Variants in SYT16 observed in about 807,000 individuals in gnomAD.
SYT16 encodes the protein synaptotagmin 16, also known as synaptotagmin-16.
A neutral mutation model predicts 61.4 loss-of-function variants in SYT16; 42 were observed. The ratio of observed to expected loss-of-function variants is 0.68; its 90% CI spans 0.53 to 0.89. The LOEUF (loss-of-function observed/expected upper bound fraction) is 0.89. SYT16 is among the 40% of genes least tolerant of loss of function. SYT16 has a pLI of 0.00. For missense variants in SYT16, 804 were observed against 807.3 expected, an observed-to-expected ratio of 1.00 and a Z score of 0.05; for synonymous variants, 314 against 302.3, an observed-to-expected ratio of 1.04 and a Z score of -0.40.
intron 1 of SYT16, among the ~76,000 whole-genome samples, chr14:61,888,010 T>A (rs2047974153): frequency 1.3e-5 from 2 of 152,208 alleles, no homozygotes; most frequent in Admixed American, 6.5e-5. Flanking sequence ...CTTTTCTCAC[T>A]CAGCTTTATC....
At chr14:61,996,577 T>A (rs770010275) in intron 3 of SYT16, 35 bp downstream of exon 3, 14 of 1,544,002 alleles carry the variant, frequency 9.1e-6, no homozygotes, top group Non-Finnish European at 1.2e-5. Flanking sequence ...TCTGCGTTCC[T>A]CCAAAGAGCA....
rs2057587255 is a variant in SYT16 at position 62,110,395 on chromosome 14, CCATA to C, written c.*9693_*9696del. 1 of 151,964 alleles carries C rather than the reference CCATA, an allele frequency of 6.6e-6. No homozygotes were observed. Among genetic ancestry groups the C allele is most frequent in the African/African-American group, 2.4e-5 (1 of 41,384 alleles). 9.4% of individuals were successfully genotyped at this position (151,964 alleles called of 1,614,324 possible). On this transcript the variant is annotated 3_prime_UTR_variant, in exon 8 of 8. Coordinates refer to ENST00000683842, the MANE Select transcript of SYT16 (RefSeq NM_001367656.1). ...TTTGAGACCCCACTATATAACAGGG[CCATA>C]CATATGACAAGGTGATAGATGGAAA...
intron 1 of SYT16, among the ~76,000 whole-genome samples, chr14:61,918,770 G>C (rs2049217630): frequency 6.6e-6 from 1 of 151,980 alleles, no homozygotes; most frequent in South Asian, 2.1e-4. Context: ...TCTTTTTCTT[G>C]TTTGTGTTCT....
chr14:62,100,914 T>C lies in SYT16; in HGVS notation c.*207T>C. Reference sequence around the variant, plus strand: ...TTAAAAACACACATACACAGTGAAGTGTCCGTATGGAAAATATTATACCAC... The same window carrying C: ...TTAAAAACACACATACACAGTGAAGCGTCCGTATGGAAAATATTATACCAC... On this transcript the variant is annotated 3_prime_UTR_variant, in exon 8 of 8. Transcript: ENST00000683842. 1.8e-6 allele frequency: 1 copy of C among 550,318 alleles called. No homozygotes were observed. Among genetic ancestry groups the C allele is most frequent in the South Asian group, 2.4e-5 (1 of 41,324 alleles). 34.1% of individuals were successfully genotyped at this position (550,318 alleles called of 1,614,324 possible). A position where few individuals can be genotyped will look rare whatever the true frequency, so the allele number is the denominator to read the frequency against.
chr14:61,832,358 G>A (rs2045966157), intron 1 of SYT16: 1 of 567,086 alleles, frequency 1.8e-6, no homozygotes, highest in Non-Finnish European at 3.5e-6. Flanking sequence ...TAACTACCCT[G>A]GTAGCCAACA....
chr14:61,960,698 C>A (rs1305214143), intron 1 of SYT16, among the ~76,000 whole-genome samples: 1 of 151,820 alleles, frequency 6.6e-6, no homozygotes, highest in African/African-American at 2.4e-5. Context: ...TTTTTTCTTT[C>A]TCTTGCCTGA....
intron 3 of SYT16, among the ~76,000 whole-genome samples, chr14:62,030,512 A>G (rs1260911429): frequency 6.6e-6 from 1 of 152,196 alleles, no homozygotes; most frequent in Non-Finnish European, 1.5e-5. Context: ...ATAGAACTAC[A>G]CCAGTCCAAA....
chr14:62,099,839 C>T (rs1158474593), intron 7 of SYT16, among the ~76,000 whole-genome samples: 1 of 152,120 alleles, frequency 6.6e-6, no homozygotes, highest in Non-Finnish European at 1.5e-5. Context: ...GATCATGCCA[C>T]TGCACCCCAG....
chr14:62,085,631 C>T lies in SYT16; in HGVS notation c.1624+1246C>T, dbSNP rs555227296. The stretch of plus-strand genomic sequence containing the variant: ...TTTTTGCCCTTAACTATGCTGCAGC[C>T]CACAAAGGATCTGTGGAATGGGGGT... On this transcript the variant is annotated intron_variant, in intron 7 of 7. Coordinates refer to ENST00000683842, the MANE Select transcript of SYT16 (RefSeq NM_001367656.1). 3.3e-5 allele frequency among the ~76,000 whole-genome samples: 5 copies of T among 152,188 alleles called. No homozygotes were observed. The East Asian group carries it at 7.7e-4, about 24-fold the overall frequency.
chr14:61,917,478 G>T (rs1425164815), intron 1 of SYT16, among the ~76,000 whole-genome samples: 2 of 152,106 alleles, frequency 1.3e-5, no homozygotes, highest in African/African-American at 4.8e-5. Context: ...TCTTCTACTA[G>T]ACTTGGAGCT....
At chr14:62,091,216 A>G (rs7155885) in intron 7 of SYT16, among the ~76,000 whole-genome samples, 37,184 of 152,194 alleles carry the variant, frequency 0.24, 4,603 homozygotes, top group East Asian at 0.33. Context: ...GGAAAAGAAT[A>G]TCAAAGTATT....
intron 1 of SYT16, among the ~76,000 whole-genome samples, chr14:61,871,816 A>G (rs888184975): frequency 6.6e-6 from 1 of 152,234 alleles, no homozygotes; most frequent in African/African-American, 2.4e-5. Flanking sequence ...AAGTGTTGTC[A>G]TAGCACATTT....
intron 3 of SYT16, among the ~76,000 whole-genome samples, chr14:62,044,922 G>T (rs112639213): frequency 6.6e-6 from 1 of 152,132 alleles, no homozygotes. Context: ...GGTGGATCAC[G>T]AGGTCAGGAA....
At chr14:62,100,293 G>C in intron 7 of SYT16, 101 bp from the exon 8 acceptor site, 3 of 1,043,988 alleles carry the variant, frequency 2.9e-6, no homozygotes, top group Non-Finnish European at 4.1e-6. Flanking sequence ...ATGTTGAAAG[G>C]AGAAATTTGT....
In SYT16 at chr14:62,110,455, A is replaced by G. The variant is rs868453080; in HGVS notation, c.*9748A>G. 3 of 152,118 alleles carry G rather than the reference A, an allele frequency of 2.0e-5. No individual in the cohort carries two copies. The highest frequency in any genetic ancestry group is 2.9e-5 in the Non-Finnish European group (2 of 67,988). The allele number at this position is 152,118 out of a possible 1,614,324, so 9.4% of individuals were successfully genotyped here. A position where few individuals can be genotyped will look rare whatever the true frequency, so the allele number is the denominator to read the frequency against. ...TTTGCAGAATTTTTGAAGACTTGCA[A>G]TGTTTTTGAAGACTACAGGATAGTT... On this transcript the variant is annotated 3_prime_UTR_variant, in exon 8 of 8. Transcript: ENST00000683842.
At chr14:61,926,168 A>G (rs2140415563) in intron 1 of SYT16, among the ~76,000 whole-genome samples, 1 of 152,334 alleles carries the variant, frequency 6.6e-6, no homozygotes, top group African/African-American at 2.4e-5. Flanking sequence ...TGACTTCCAA[A>G]AAAATCTAGA....
At chr14:62,053,086 A>G (rs1005074440) in intron 3 of SYT16, among the ~76,000 whole-genome samples, 1 of 152,180 alleles carries the variant, frequency 6.6e-6, no homozygotes, top group Non-Finnish European at 1.5e-5. Context: ...GTCATGAAGG[A>G]ACTTTTAAAA....
chr14:62,063,652 C>G (rs976341210), intron 3 of SYT16, among the ~76,000 whole-genome samples: 9 of 152,140 alleles, frequency 5.9e-5, no homozygotes, highest in Non-Finnish European at 5.9e-5. Context: ...ACCCCACCAT[C>G]CCGTCTCTTT....
intron 2 of SYT16, among the ~76,000 whole-genome samples, chr14:61,984,745 G>A (rs941890273): frequency 2.0e-5 from 3 of 152,046 alleles, no homozygotes; most frequent in African/African-American, 7.2e-5. Context: ...TAGCATTTTG[G>A]TTTAACTGAA....
Sources: allele counts gnomAD v4.1 joint callset (sites outside exome capture counted in the v4.1 genomes callset), GRCh38; gene constraint gnomAD v4.1.1; transcripts MANE v1.5; gene names NCBI Gene and HGNC (gene_info 2026-07-23, HGNC 2026-07-21).